Variants in ARHGAP42 observed in about 807,000 individuals in gnomAD.
The protein encoded by ARHGAP42 is rho GTPase-activating protein 42.
In ARHGAP42, 63 loss-of-function variants were observed where a neutral mutation model predicts 125.0. The observed-to-expected ratio is 0.50, with a 90% CI of 0.41 to 0.62. The LOEUF (loss-of-function observed/expected upper bound fraction) is 0.62. Ranked by LOEUF, ARHGAP42 falls within the 20% of genes least tolerant of loss-of-function variation. The pLI is 0.00. For synonymous variants in ARHGAP42, 339 were observed against 351.0 expected, an observed-to-expected ratio of 0.97 and a Z score of 0.38; for missense variants, 766 against 1,024.2, an observed-to-expected ratio of 0.75 and a Z score of 3.44.
At chr11:100,804,801 C>T (rs1260843959) in intron 3 of ARHGAP42, among the ~76,000 whole-genome samples, 6 of 152,066 alleles carry the variant, frequency 3.9e-5, no homozygotes, top group Admixed American at 1.3e-4. Flanking sequence ...CGTGAGCCAC[C>T]GTACCTGGCC....
At chr11:100,907,400 C>T (rs1167086982) in intron 4 of ARHGAP42, among the ~76,000 whole-genome samples, 2 of 152,088 alleles carry the variant, frequency 1.3e-5, no homozygotes, top group African/African-American at 2.4e-5. Context: ...GTTTGATTAC[C>T]TGGTGGTGGT....
intron 2 of ARHGAP42, among the ~76,000 whole-genome samples, chr11:100,780,834 C>A (rs1371976982): frequency 6.6e-6 from 1 of 152,136 alleles, no homozygotes; most frequent in African/African-American, 2.4e-5. Flanking sequence ...CGTGAAGTCA[C>A]AATTGTTTTG....
chr11:100,912,109 A>G (rs1459609034), intron 4 of ARHGAP42, among the ~76,000 whole-genome samples: 1 of 152,210 alleles, frequency 6.6e-6, no homozygotes, highest in Admixed American at 6.5e-5. Flanking sequence ...AAGAAACTTA[A>G]GAGTGCCAAT....
At chr11:100,941,041 G>A (rs1867871401) in intron 8 of ARHGAP42, among the ~76,000 whole-genome samples, 1 of 152,130 alleles carries the variant, frequency 6.6e-6, no homozygotes, top group South Asian at 2.1e-4. Flanking sequence ...ATCTCTCCAG[G>A]AAAGGCCATA....
chr11:100,752,264 C>T (rs1025994348), intron 1 of ARHGAP42, among the ~76,000 whole-genome samples: 2 of 152,152 alleles, frequency 1.3e-5, no homozygotes, highest in African/African-American at 4.8e-5. Flanking sequence ...AGAGAAGCCC[C>T]AGTTATTTCA....
At chr11:100,845,149 C>T (rs1300054221) in intron 3 of ARHGAP42, among the ~76,000 whole-genome samples, 1 of 147,696 alleles carries the variant, frequency 6.8e-6, no homozygotes, top group Non-Finnish European at 1.5e-5. Context: ...CACACATATA[C>T]ATACAGTGGA....
chr11:100,855,934 A>T (rs1865312716), intron 3 of ARHGAP42, among the ~76,000 whole-genome samples: 1 of 152,158 alleles, frequency 6.6e-6, no homozygotes, highest in Non-Finnish European at 1.5e-5. Flanking sequence ...ATTGTTTCTT[A>T]ATTACCATAA....
intron 11 of ARHGAP42, among the ~76,000 whole-genome samples, chr11:100,949,379 C>A (rs1407852760): frequency 6.6e-6 from 1 of 152,086 alleles, no homozygotes; most frequent in Non-Finnish European, 1.5e-5. Flanking sequence ...TGGAACTCTG[C>A]ATTGATTTTT....
chr11:100,965,820 G>C (rs1639453173), intron 17 of ARHGAP42, 44 bp downstream of exon 17: 3 of 1,462,576 alleles, frequency 2.1e-6, no homozygotes, highest in Non-Finnish European at 1.9e-6. Context: ...ATTGTTCATT[G>C]TTAAGTTTGT....
intron 3 of ARHGAP42, among the ~76,000 whole-genome samples, chr11:100,812,690 A>G (rs1864175171): frequency 6.6e-6 from 1 of 152,220 alleles, no homozygotes; most frequent in Admixed American, 6.5e-5. Context: ...AGCAGCAAGT[A>G]CAAAGGTCCT....
chr11:100,751,279 GTTTTTTTT>G (rs71465331), intron 1 of ARHGAP42, among the ~76,000 whole-genome samples: 3,105 of 93,512 alleles, frequency 0.033, 65 homozygotes, highest in African/African-American at 0.084. Flanking sequence ...GTGTGTGTGT[GTTTTTTTT>G]TTTTTTTTTT....
chr11:100,801,867 C>T (rs1863860807), intron 3 of ARHGAP42, among the ~76,000 whole-genome samples: 1 of 152,178 alleles, frequency 6.6e-6, no homozygotes, highest in African/African-American at 2.4e-5. Context: ...AAGAAATAAT[C>T]TAAAAGCTCT....
rs59112603 is a variant in ARHGAP42, at chr11:100,952,734, C to CTTTTTTTTTTTTT, written c.1162+2789_1162+2790insTTTTTTTTTTTTT. ...GTATTACTAATTCACCTAAGTCAGG[C>CTTTTTTTTTTTTT]TTTTTTTTTTTGAGATGGAGTCTCA... On this transcript the variant is annotated intron_variant, in intron 12 of 23. Transcript: ENST00000298815. Among the ~76,000 whole-genome samples, 65 of 117,508 alleles carry CTTTTTTTTTTTTT rather than the reference C, an allele frequency of 5.5e-4. 1 individual carries two copies. Among genetic ancestry groups the CTTTTTTTTTTTTT allele is most frequent in the Non-Finnish European group, 7.7e-4 (46 of 59,386 alleles). The allele number at this position is 117,508 out of a possible 152,430, so 77.1% of individuals were successfully genotyped here.
At position 100,990,512 on chromosome 11, in the gene ARHGAP42, A is replaced by G. The variant is rs1858804339; in HGVS notation, c.*1711A>G. On this transcript the variant is annotated 3_prime_UTR_variant, in exon 24 of 24. Transcript: ENST00000298815. The stretch of plus-strand genomic sequence containing the variant: ...CAGGAATAAATATCAGTGAATCAAA[A>G]GAATGAAAAATATTATGTAATAAAA... The G allele has an allele frequency of 6.6e-6, 1 of 152,348 alleles. No homozygotes were observed. Among genetic ancestry groups the G allele is most frequent in the South Asian group, 2.1e-4 (1 of 4,822 alleles). 9.4% of individuals were successfully genotyped at this position (152,348 alleles called of 1,614,324 possible).
In ARHGAP42 at chr11:100,773,065, G is replaced by T. The variant is rs925226121; in HGVS notation, c.250+2627G>T. 2.0e-5 allele frequency among the ~76,000 whole-genome samples: 3 copies of T among 152,180 alleles called. No homozygotes were observed. In the East Asian group the frequency reaches 5.8e-4, roughly 29 times the overall value. On this transcript the variant is annotated intron_variant, in intron 2 of 23. Transcript: ENST00000298815. ...TTGGCCAAGTTGGTCTCAAACTCCT[G>T]ACCTCAGGTGATCCACCTGCCTCAG...
chr11:100,771,177 G>A (rs17095438), intron 2 of ARHGAP42, among the ~76,000 whole-genome samples: 15 of 152,072 alleles, frequency 9.9e-5, no homozygotes, highest in South Asian at 4.1e-4. Context: ...ACATTACTGC[G>A]GATCAGGAGA....
At chr11:100,767,221 G>A (rs1862850490) in intron 1 of ARHGAP42, among the ~76,000 whole-genome samples, 1 of 152,176 alleles carries the variant, frequency 6.6e-6, no homozygotes, top group African/African-American at 2.4e-5. Context: ...GTTTGATGCT[G>A]TTCTAAGTTC....
At chr11:100,837,526 T>C (rs1386628345) in intron 3 of ARHGAP42, among the ~76,000 whole-genome samples, 2 of 152,008 alleles carry the variant, frequency 1.3e-5, no homozygotes, top group Non-Finnish European at 2.9e-5. Context: ...GCAGGCATGC[T>C]CAAAAGAATG....
intron 14 of ARHGAP42, among the ~76,000 whole-genome samples, chr11:100,961,209 T>C (rs983031531): frequency 6.6e-6 from 1 of 152,174 alleles, no homozygotes; most frequent in Admixed American, 6.5e-5. Flanking sequence ...TGTCCTTTGG[T>C]AAGCTAGAGA....
Sources: gnomAD v4.1 joint callset for allele counts (sites outside exome capture counted in the v4.1 genomes callset) on GRCh38, gnomAD v4.1.1 for gene constraint, MANE v1.5 for transcripts, NCBI Gene and HGNC (gene_info 2026-07-23, HGNC 2026-07-21) for gene names.